RAPGEF4: variants seen among roughly 807,000 people sequenced by gnomAD.
RAPGEF4 encodes the protein Rap guanine nucleotide exchange factor 4, also known as RAP guanine-nucleotide-exchange factor (GEF) 4.
A neutral mutation model predicts 147.9 loss-of-function variants in RAPGEF4; 66 were observed. The observed-to-expected ratio is 0.45, with a 90% CI of 0.37 to 0.55. RAPGEF4 has a LOEUF of 0.55. RAPGEF4 is among the 20% of genes least tolerant of loss of function. The pLI is 0.00. For missense variants in RAPGEF4, 1,071 were observed against 1,257.3 expected (o/e 0.85, Z 2.24); for synonymous variants, 419 against 442.7 (o/e 0.95, Z 0.67).
chr2:172,917,895 T>C (rs756719726), intron 5 of RAPGEF4, 21 bp downstream of exon 5: 2 of 1,602,142 alleles, frequency 1.2e-6, no homozygotes, highest in Non-Finnish European at 1.7e-6. Context: ...AATGTGAACA[T>C]TTTGTATCTA....
intron 4 of RAPGEF4, among the ~76,000 whole-genome samples, chr2:172,819,249 TC>T (rs1466275726): frequency 6.6e-6 from 1 of 152,086 alleles, no homozygotes; most frequent in Admixed American, 6.5e-5. Flanking sequence ...TTAAGTTTGT[TC>T]AGAGTTGGTA....
At chr2:172,919,946 C>T (rs1047208882) in intron 5 of RAPGEF4, among the ~76,000 whole-genome samples, 6 of 152,088 alleles carry the variant, frequency 3.9e-5, no homozygotes, top group Non-Finnish European at 8.8e-5. Context: ...CCTTTCAGTT[C>T]CCTCTGCAGC....
intron 4 of RAPGEF4, among the ~76,000 whole-genome samples, chr2:172,822,637 C>A (rs573175368): frequency 2.0e-5 from 3 of 152,356 alleles, no homozygotes; most frequent in African/African-American, 7.2e-5. Context: ...CCAGTAGTTG[C>A]TTTCTCTGAG....
At chr2:172,841,621 A>C (rs1691603194) in intron 4 of RAPGEF4, among the ~76,000 whole-genome samples, 1 of 152,204 alleles carries the variant, frequency 6.6e-6, no homozygotes, top group South Asian at 2.1e-4. Flanking sequence ...ATTTACAAGA[A>C]ACACTCTGCC....
intron 17 of RAPGEF4, among the ~76,000 whole-genome samples, chr2:173,008,339 G>T (rs1694696659): frequency 6.6e-6 from 1 of 152,134 alleles, no homozygotes; most frequent in South Asian, 2.1e-4. Context: ...CACTTTACCA[G>T]GTTGTTGTGA....
At chr2:172,800,813 T>C (rs55740784) in intron 3 of RAPGEF4, among the ~76,000 whole-genome samples, 53,336 of 152,030 alleles carry the variant, frequency 0.35, 9,903 homozygotes, top group Middle Eastern at 0.47. Context: ...AGGTTAATCA[T>C]ATCTAAAAAA....
rs140494905 is a variant in RAPGEF4, at chr2:172,797,872, G to A, written c.297+259G>A. On this transcript the variant is annotated intron_variant, in intron 3 of 30. Transcript: ENST00000397081. ...TTGGGGCTGCTTTCTAGGAGCTTGA[G>A]GTCTATTTGGAAATGCAAGCAATTT... Among the ~76,000 whole-genome samples the A allele has an allele frequency of 3.9e-5, 6 of 152,292 alleles. No homozygotes were observed. The East Asian group carries it at 1.2e-3, about 29-fold the overall frequency.
intron 4 of RAPGEF4, among the ~76,000 whole-genome samples, chr2:172,905,882 A>C (rs1699574990): frequency 6.6e-6 from 1 of 152,252 alleles, no homozygotes; most frequent in African/African-American, 2.4e-5. Context: ...ACAAGGAAAC[A>C]GAATAACTTG....
chr2:172,839,958 A>T (rs1691402540), intron 4 of RAPGEF4, among the ~76,000 whole-genome samples: 1 of 152,224 alleles, frequency 6.6e-6, no homozygotes, highest in African/African-American at 2.4e-5. Context: ...AGGAACATGT[A>T]TGGGTCAAGA....
chr2:172,990,973 T>C, intron 15 of RAPGEF4, 48 bp downstream of exon 15: 8 of 1,338,780 alleles, frequency 6.0e-6, no homozygotes, highest in Non-Finnish European at 8.5e-6. Flanking sequence ...ATTAACCTTT[T>C]CACATGGTAT....
At chr2:173,026,422 C>T (rs1210590244) in intron 23 of RAPGEF4, 150 bp from the exon 24 acceptor site, 18 of 753,714 alleles carry the variant, frequency 2.4e-5, no homozygotes, top group East Asian at 3.0e-5. Flanking sequence ...ACTAGCGTTG[C>T]GAGCAGAGGC....
chr2:172,762,322 A>T (rs1696424871), intron 1 of RAPGEF4, among the ~76,000 whole-genome samples: 1 of 152,058 alleles, frequency 6.6e-6, no homozygotes, highest in Non-Finnish European at 1.5e-5. Flanking sequence ...CACATGCAAG[A>T]TCTCTTCCTG....
chr2:173,036,080 G>T, intron 27 of RAPGEF4, 45 bp from the exon 28 acceptor site: 1 of 1,393,906 alleles, frequency 7.2e-7, no homozygotes, highest in Non-Finnish European at 1.0e-6. Context: ...AAAGGGTGGT[G>T]TATCTGTCAC....
At position 172,765,825 on chromosome 2, in the gene RAPGEF4, C is replaced by T. The variant is rs2149477517; in HGVS notation, c.66-29200C>T. The stretch of plus-strand genomic sequence containing the variant: ...TGTTGGGAGGTGGAAGTGGGAGGCC[C>T]AGCTGAACGGGCTCTGGGTGTGTGC... On this transcript the variant is annotated intron_variant, in intron 1 of 30. Coordinates refer to ENST00000397081, the MANE Select transcript of RAPGEF4 (RefSeq NM_007023.4). Among the ~76,000 whole-genome samples, 7 of 152,340 alleles carry T rather than the reference C, an allele frequency of 4.6e-5. 1 individual carries two copies. The South Asian group carries it at 1.4e-3, about 32-fold the overall frequency.
In RAPGEF4 at chr2:172,803,628, T is replaced by A. The variant is rs568272502; in HGVS notation, c.297+6015T>A. On this transcript the variant is annotated intron_variant, in intron 3 of 30. Transcript: ENST00000397081. ...GTCTTGGGGAGTACATTTGGCTCCC[T>A]GTTACTTATGCAAATTTCTGTAGCT... Among the ~76,000 whole-genome samples the A allele has an allele frequency of 2.0e-5, 3 of 152,362 alleles. No individual in the cohort carries two copies. The South Asian group carries it at 6.2e-4, about 32-fold the overall frequency.
At chr2:172,951,506 AGT>A (rs1298243682) in intron 6 of RAPGEF4, among the ~76,000 whole-genome samples, 2 of 152,236 alleles carry the variant, frequency 1.3e-5, no homozygotes, top group Non-Finnish European at 2.9e-5. Context: ...ATGAATATCC[AGT>A]GTGATAAATG....
intron 16 of RAPGEF4, among the ~76,000 whole-genome samples, chr2:172,997,178 G>T (rs965029089): frequency 6.6e-6 from 1 of 152,132 alleles, no homozygotes; most frequent in East Asian, 1.9e-4. Flanking sequence ...AGCCTCCTGT[G>T]GTTTGCAGGC....
chr2:172,861,596 C>T (rs891048387), intron 4 of RAPGEF4, among the ~76,000 whole-genome samples: 1 of 152,156 alleles, frequency 6.6e-6, no homozygotes, highest in Non-Finnish European at 1.5e-5. Flanking sequence ...AAACCTTGAC[C>T]AAACTGCAGG....
chr2:172,977,166 C>T (rs148256655), intron 10 of RAPGEF4, among the ~76,000 whole-genome samples: 3 of 152,312 alleles, frequency 2.0e-5, no homozygotes, highest in African/African-American at 7.2e-5. Flanking sequence ...GAGTTCTCTC[C>T]TCCTGCTCGG....
Sources: allele counts gnomAD v4.1 joint callset (sites outside exome capture counted in the v4.1 genomes callset), GRCh38; gene constraint gnomAD v4.1.1; transcripts MANE v1.5; gene names NCBI Gene and HGNC (gene_info 2026-07-23, HGNC 2026-07-21).